The following HPSE2 variants were observed in gnomAD, a reference collection of about 807,000 sequenced individuals.
HPSE2 encodes heparanase 2 (inactive), also known as inactive heparanase-2.
In HPSE2, 38 loss-of-function variants were observed where a neutral mutation model predicts 60.5. That is an observed-to-expected ratio of 0.63 (90% CI 0.48 to 0.82). HPSE2 has a LOEUF of 0.82. Among genes scored for constraint, HPSE2 ranks in the 40% least tolerant of loss-of-function variants. HPSE2 has a pLI of 0.00. For synonymous variants in HPSE2, 295 were observed against 293.2 expected, an observed-to-expected ratio of 1.01 and a Z score of -0.06; for missense variants, 713 against 740.4, an observed-to-expected ratio of 0.96 and a Z score of 0.43.
intron 3 of HPSE2, among the ~76,000 whole-genome samples, chr10:98,883,691 C>A (rs966894826): frequency 5.9e-5 from 9 of 152,002 alleles, no homozygotes; most frequent in African/African-American, 2.2e-4. Flanking sequence ...GTAGTGCCAG[C>A]TAGTCGGGAG....
At chr10:99,266,134 C>G in the HPSE2 span, among the ~76,000 whole-genome samples, 1 of 152,210 alleles carries the variant, frequency 6.6e-6, no homozygotes, top group Non-Finnish European at 1.5e-5. Context: ...CCGGACAGAA[C>G]TTGGGGGAGG....
intron 9 of HPSE2, among the ~76,000 whole-genome samples, chr10:98,542,044 TGAC>T (rs1943487281): frequency 1.3e-5 from 1 of 77,698 alleles, no homozygotes; most frequent in East Asian, 5.0e-4. Context: ...CCCTGACCCC[TGAC>T]CCCCAAGCAG....
chr10:98,461,862 A>C, intron 11 of HPSE2: 1 of 1,378,420 alleles, frequency 7.3e-7, no homozygotes, highest in Non-Finnish European at 1.0e-6. Context: ...ACCTTTAAAA[A>C]TCTATACTAA....
At chr10:99,188,394 A>T (rs1177237034) in intron 2 of HPSE2, among the ~76,000 whole-genome samples, 1 of 152,196 alleles carries the variant, frequency 6.6e-6, no homozygotes, top group Non-Finnish European at 1.5e-5. Context: ...ACCAAATTAT[A>T]TACTTAAAAA....
intron 9 of HPSE2, among the ~76,000 whole-genome samples, chr10:98,492,008 C>T (rs1208253662): frequency 1.3e-5 from 2 of 152,192 alleles, no homozygotes; most frequent in East Asian, 1.9e-4. Context: ...TCTCCAATTC[C>T]GGCTCACTAC....
At chr10:98,607,553 G>A (rs1298470999) in intron 9 of HPSE2, among the ~76,000 whole-genome samples, 2 of 152,182 alleles carry the variant, frequency 1.3e-5, no homozygotes, top group African/African-American at 4.8e-5. Context: ...CACTGGGAAA[G>A]CTTGCCAGCA....
At chr10:98,795,873 G>A (rs11189820) in intron 3 of HPSE2, among the ~76,000 whole-genome samples, 11,152 of 152,168 alleles carry the variant, frequency 0.073, 575 homozygotes, top group South Asian at 0.19. Context: ...AGAATGGTGC[G>A]GCCCTCATTC....
intron 4 of HPSE2, among the ~76,000 whole-genome samples, chr10:98,742,974 C>CTTTTTTT (rs35772316): frequency 1.0e-5 from 1 of 99,774 alleles, no homozygotes; most frequent in Non-Finnish European, 2.1e-5. Flanking sequence ...CTTTTCTTTT[C>CTTTTTTT]TTTTTTTTTT....
At chr10:99,072,634 T>C (rs890398853) in intron 3 of HPSE2, among the ~76,000 whole-genome samples, 5 of 152,022 alleles carry the variant, frequency 3.3e-5, no homozygotes, top group African/African-American at 1.2e-4. Flanking sequence ...ATGGCAATTA[T>C]AAAAAAGTCA....
chr10:99,280,714 G>A, the HPSE2 span, among the ~76,000 whole-genome samples: 6 of 152,152 alleles, frequency 3.9e-5, no homozygotes, highest in African/African-American at 1.4e-4. Flanking sequence ...TTAACTGTGA[G>A]TATGTCTGTC....
At chr10:99,186,542 C>CAAAAAAAAAAAAAAAAA (rs60186369) in intron 2 of HPSE2, among the ~76,000 whole-genome samples, 2 of 59,456 alleles carry the variant, frequency 3.4e-5, no homozygotes, top group Non-Finnish European at 5.4e-5. Flanking sequence ...GACTCCATCT[C>CAAAAAAAAAAAAAAAAA]AAAAAAAAAA....
intron 2 of HPSE2, among the ~76,000 whole-genome samples, chr10:99,162,065 T>C (rs191309965): frequency 3.9e-4 from 59 of 152,168 alleles, no homozygotes; most frequent in Non-Finnish European, 1.2e-4. Flanking sequence ...AGGTACAGAG[T>C]TTAGTTTTGC....
chr10:99,139,554 T>C (rs1471741877), intron 3 of HPSE2, among the ~76,000 whole-genome samples: 1 of 152,170 alleles, frequency 6.6e-6, no homozygotes. Flanking sequence ...CCATCAAGTG[T>C]GCTTGAATAG....
At chr10:98,990,696 A>G (rs1468895898) in intron 3 of HPSE2, among the ~76,000 whole-genome samples, 1 of 152,198 alleles carries the variant, frequency 6.6e-6, no homozygotes, top group African/African-American at 2.4e-5. Context: ...AAATTAATTG[A>G]AATCTGTTCA....
At chr10:99,083,103 A>G (rs1843201647) in intron 3 of HPSE2, among the ~76,000 whole-genome samples, 1 of 152,214 alleles carries the variant, frequency 6.6e-6, no homozygotes, top group Admixed American at 6.5e-5. Flanking sequence ...ATAGAAATTC[A>G]AAAGCAACCA....
intron 3 of HPSE2, among the ~76,000 whole-genome samples, chr10:99,116,892 C>T (rs1418267097): frequency 6.6e-6 from 1 of 151,624 alleles, no homozygotes; most frequent in African/African-American, 2.4e-5. Flanking sequence ...AAGTACAATA[C>T]CCCCAAATAT....
intron 2 of HPSE2, among the ~76,000 whole-genome samples, chr10:99,222,510 G>T (rs1312409907): frequency 6.6e-6 from 1 of 152,160 alleles, no homozygotes; most frequent in African/African-American, 2.4e-5. Context: ...ATAAGTCAGA[G>T]TATGGTTCAG....
At chr10:98,842,502 T>G (rs914526305) in intron 3 of HPSE2, among the ~76,000 whole-genome samples, 2 of 151,986 alleles carry the variant, frequency 1.3e-5, no homozygotes, top group African/African-American at 4.8e-5. Flanking sequence ...TTTTGATTTT[T>G]TTTTTTACTA....
intron 9 of HPSE2, among the ~76,000 whole-genome samples, chr10:98,593,958 T>C (rs536187717): frequency 6.6e-5 from 10 of 152,300 alleles, no homozygotes; most frequent in African/African-American, 2.4e-4. Context: ...TTTTGGTATA[T>C]ACTATTTAAA....
Sources: gnomAD v4.1 joint callset for allele counts (sites outside exome capture counted in the v4.1 genomes callset) on GRCh38, gnomAD v4.1.1 for gene constraint, MANE v1.5 for transcripts, NCBI Gene and HGNC (gene_info 2026-07-23, HGNC 2026-07-21) for gene names.